KCNB2: variants seen among roughly 807,000 people sequenced by gnomAD.
KCNB2 encodes the protein potassium voltage-gated channel subfamily B member 2, also known as delayed rectifier potassium channel protein.
Under a neutral mutation model 61.5 loss-of-function variants are expected in KCNB2, and 15 were observed. The ratio of observed to expected loss-of-function variants is 0.24; its 90% CI spans 0.16 to 0.38. The LOEUF is 0.38. KCNB2 is among the 10% of genes least tolerant of loss of function. The pLI is 1.00. For missense variants in KCNB2, 828 were observed against 1,125.2 expected (o/e 0.74, Z 3.78); for synonymous variants, 457 against 446.0 (o/e 1.02, Z -0.31).
intron 2 of KCNB2, among the ~76,000 whole-genome samples, chr8:72,787,705 C>T (rs989420058): frequency 2.6e-5 from 4 of 152,072 alleles, no homozygotes; most frequent in African/African-American, 9.7e-5. Flanking sequence ...CTGTCTATAT[C>T]AAAGAAATGA....
chr8:72,867,195 C>T (rs1036355624), intron 2 of KCNB2, among the ~76,000 whole-genome samples: 14 of 152,118 alleles, frequency 9.2e-5, no homozygotes, highest in African/African-American at 3.4e-4. Flanking sequence ...ACAGTATCTA[C>T]ACAAGTAACA....
intron 2 of KCNB2, among the ~76,000 whole-genome samples, chr8:72,790,355 A>G (rs1484948760): frequency 6.6e-6 from 1 of 152,232 alleles, no homozygotes; most frequent in African/African-American, 2.4e-5. Context: ...GGAGAGAACC[A>G]GGGCAGAGTG....
intron 2 of KCNB2, among the ~76,000 whole-genome samples, chr8:72,664,137 CAGG>C (rs1806426639): frequency 1.3e-5 from 2 of 152,130 alleles, no homozygotes; most frequent in South Asian, 4.1e-4. Flanking sequence ...TGTAAGATCC[CAGG>C]AGATCAGAAT....
At chr8:72,782,581 C>A (rs548214400) in intron 2 of KCNB2, among the ~76,000 whole-genome samples, 1 of 152,228 alleles carries the variant, frequency 6.6e-6, no homozygotes, top group East Asian at 1.9e-4. Flanking sequence ...CTGAGAAGAC[C>A]CCAAGCCTGG....
intron 2 of KCNB2, among the ~76,000 whole-genome samples, chr8:72,921,097 A>T (rs897851655): frequency 6.6e-6 from 1 of 152,064 alleles, no homozygotes; most frequent in Non-Finnish European, 1.5e-5. Flanking sequence ...AAACATTGGG[A>T]TCATGTTACC....
intron 2 of KCNB2, among the ~76,000 whole-genome samples, chr8:72,930,725 A>C (rs1359062596): frequency 6.6e-6 from 1 of 152,108 alleles, no homozygotes; most frequent in East Asian, 1.9e-4. Flanking sequence ...AGATTGCAAA[A>C]ATTTTCTCTC....
At chr8:72,603,390 A>G (rs564011021) in intron 2 of KCNB2, among the ~76,000 whole-genome samples, 1 of 152,232 alleles carries the variant, frequency 6.6e-6, no homozygotes, top group South Asian at 2.1e-4. Flanking sequence ...GCATGACTAT[A>G]TACTTAGCAG....
intron 1 of KCNB2, among the ~76,000 whole-genome samples, chr8:72,555,753 A>G (rs910001281): frequency 1.3e-5 from 2 of 151,606 alleles, no homozygotes; most frequent in South Asian, 4.2e-4. Context: ...TTTTTATTTT[A>G]TTTTATTTTA....
chr8:72,792,730 T>C (rs1289879966), intron 2 of KCNB2, among the ~76,000 whole-genome samples: 1 of 152,222 alleles, frequency 6.6e-6, no homozygotes, highest in Non-Finnish European at 1.5e-5. Flanking sequence ...ACGTCCACAA[T>C]CTGATAGCTC....
intron 2 of KCNB2, among the ~76,000 whole-genome samples, chr8:72,775,781 G>T (rs1292503226): frequency 6.6e-6 from 1 of 151,570 alleles, no homozygotes; most frequent in Non-Finnish European, 1.5e-5. Flanking sequence ...ACATTTTTGG[G>T]TTACAAAATC....
At chr8:72,855,571 C>A (rs1470221023) in intron 2 of KCNB2, among the ~76,000 whole-genome samples, 2 of 152,154 alleles carry the variant, frequency 1.3e-5, no homozygotes, top group African/African-American at 4.8e-5. Context: ...TATTATTAAG[C>A]TTATTCAATT....
chr8:72,858,395 T>TA (rs971169428), intron 2 of KCNB2, among the ~76,000 whole-genome samples: 2 of 152,000 alleles, frequency 1.3e-5, no homozygotes, highest in Non-Finnish European at 2.9e-5. Flanking sequence ...TAACTTTTTT[T>TA]AAAAAAAAGA....
At chr8:72,619,901 A>G (rs1211135931) in intron 2 of KCNB2, among the ~76,000 whole-genome samples, 2 of 152,222 alleles carry the variant, frequency 1.3e-5, no homozygotes, top group African/African-American at 2.4e-5. Context: ...TGTGGTAACT[A>G]TCCAATATGG....
At chr8:72,816,902 A>G (rs1222051029) in intron 2 of KCNB2, among the ~76,000 whole-genome samples, 1 of 152,154 alleles carries the variant, frequency 6.6e-6, no homozygotes, top group African/African-American at 2.4e-5. Context: ...ATTGGAAGAA[A>G]CTGTTCTTTG....
intron 2 of KCNB2, among the ~76,000 whole-genome samples, chr8:72,659,300 A>G (rs2962309): frequency 0.12 from 18,568 of 152,226 alleles, 1,633 homozygotes; most frequent in East Asian, 0.51. Context: ...AACAAGAATT[A>G]GAATTGGAGG....
chr8:72,866,744 T>C (rs1038768772), intron 2 of KCNB2, among the ~76,000 whole-genome samples: 5 of 152,198 alleles, frequency 3.3e-5, no homozygotes, highest in African/African-American at 1.2e-4. Flanking sequence ...CATTTTACTA[T>C]TTTTTAAAAG....
chr8:72,742,183 GCTT>G (rs1807971185), intron 2 of KCNB2, among the ~76,000 whole-genome samples: 1 of 152,102 alleles, frequency 6.6e-6, no homozygotes, highest in African/African-American at 2.4e-5. Flanking sequence ...TTCAATTAAG[GCTT>G]CTTTAGATTT....
At chr8:72,786,534 G>A (rs1432069900) in intron 2 of KCNB2, among the ~76,000 whole-genome samples, 3 of 152,086 alleles carry the variant, frequency 2.0e-5, no homozygotes, top group Non-Finnish European at 4.4e-5. Context: ...ATTTTCCATG[G>A]GATATTTTCT....
intron 2 of KCNB2, among the ~76,000 whole-genome samples, chr8:72,678,029 C>T (rs933108814): frequency 3.9e-5 from 6 of 152,162 alleles, no homozygotes; most frequent in South Asian, 2.1e-4. Flanking sequence ...AGCTGCCTCC[C>T]CTAAACTGGT....
Sources: allele counts gnomAD v4.1 joint callset (sites outside exome capture counted in the v4.1 genomes callset), GRCh38; gene constraint gnomAD v4.1.1; transcripts MANE v1.5; gene names NCBI Gene and HGNC (gene_info 2026-07-23, HGNC 2026-07-21).